NEBL: variants seen among roughly 807,000 people sequenced by gnomAD.
The protein encoded by NEBL is nebulette.
A neutral mutation model predicts 140.2 loss-of-function variants in NEBL; 122 were observed. The ratio of observed to expected loss-of-function variants is 0.87; its 90% confidence interval spans 0.75 to 1.01. NEBL has a LOEUF of 1.01. Ranked by LOEUF, NEBL falls within the 50% of genes least tolerant of loss-of-function variation. NEBL has a pLI of 0.00. For missense variants in NEBL, 1,365 were observed against 1,231.3 expected, an observed-to-expected ratio of 1.11 and a Z score of -1.62; for synonymous variants, 436 against 398.9, an observed-to-expected ratio of 1.09 and a Z score of -1.11.
chr10:21,127,423 T>A (rs1407299171), intron 2 of NEBL, among the ~76,000 whole-genome samples: 1 of 152,136 alleles, frequency 6.6e-6, no homozygotes, highest in Admixed American at 6.5e-5. Flanking sequence ...ATGAGGAACC[T>A]TATAAATGGT....
intron 4 of NEBL, among the ~76,000 whole-genome samples, chr10:20,952,374 T>C (rs1175216517): frequency 2.0e-5 from 3 of 148,396 alleles, no homozygotes; most frequent in Non-Finnish European, 4.4e-5. Flanking sequence ...GAGGCAGAGG[T>C]TGCCATGAGC....
chr10:20,965,652 G>C (rs1412975470), intron 3 of NEBL, among the ~76,000 whole-genome samples: 2 of 152,172 alleles, frequency 1.3e-5, no homozygotes, highest in Non-Finnish European at 2.9e-5. Flanking sequence ...TTTGTATGCG[G>C]AACAGCGGTA....
chr10:21,087,150 A>G (rs1031041079), intron 2 of NEBL, among the ~76,000 whole-genome samples: 1 of 152,098 alleles, frequency 6.6e-6, no homozygotes, highest in African/African-American at 2.4e-5. Context: ...ATCTCTGTGA[A>G]CTCCTGGAGA....
intron 2 of NEBL, among the ~76,000 whole-genome samples, chr10:21,123,958 T>G (rs1838701050): frequency 6.6e-6 from 1 of 151,898 alleles, no homozygotes; most frequent in Non-Finnish European, 1.5e-5. Context: ...CTGAGGCCAA[T>G]CCTCACCTGA....
chr10:21,012,867 A>G (rs1838400302), intron 3 of NEBL, among the ~76,000 whole-genome samples: 2 of 152,146 alleles, frequency 1.3e-5, no homozygotes, highest in African/African-American at 4.8e-5. Context: ...AGGGTGGGCC[A>G]GGAAGGAATC....
At chr10:21,147,644 G>T (rs1041399829) in intron 2 of NEBL, among the ~76,000 whole-genome samples, 1 of 152,154 alleles carries the variant, frequency 6.6e-6, no homozygotes, top group Non-Finnish European at 1.5e-5. Flanking sequence ...CACGGTTCAA[G>T]CCTACATCCC....
chr10:21,161,077 A>T (rs1004735356), intron 2 of NEBL, among the ~76,000 whole-genome samples: 2 of 152,202 alleles, frequency 1.3e-5, no homozygotes, highest in Non-Finnish European at 2.9e-5. Context: ...TACACAGAGG[A>T]AGTGTTTGCT....
In NEBL at chr10:21,147,398, T is replaced by TA. The variant is rs747859051; in HGVS notation, c.164+24984_164+24985insT. On this transcript the variant is annotated intron_variant, in intron 2 of 6. Transcript: ENST00000417816. The stretch of plus-strand genomic sequence containing the variant: ...TCTCTGACCCTGTTTCTCCTCCGGT[T>TA]TTTTTTTTTTTTTTTTTAGACAAAC... Among the ~76,000 whole-genome samples, 158 of 144,908 alleles carry TA rather than the reference T, an allele frequency of 1.1e-3. 2 individuals carry two copies. The highest frequency in any genetic ancestry group is 9.2e-3 in the Admixed American group (133 of 14,456).
chr10:21,069,014 G>A (rs1039190518), intron 2 of NEBL, among the ~76,000 whole-genome samples: 4 of 152,016 alleles, frequency 2.6e-5, no homozygotes, highest in East Asian at 1.9e-4. Context: ...TCACTCTCCC[G>A]AGTAGCTGGG....
intron 3 of NEBL, among the ~76,000 whole-genome samples, chr10:21,220,661 A>T (rs1365496743): frequency 6.6e-6 from 1 of 151,876 alleles, no homozygotes; most frequent in Admixed American, 6.6e-5. Context: ...ATTGCATCAA[A>T]CTAAAAAGGT....
chr10:21,256,274 G>C lies in NEBL; in HGVS notation n.183-4446C>G, dbSNP rs1308925482. On this transcript the variant is annotated intron_variant and non_coding_transcript_variant, in intron 1 of 8. Coordinates refer to the NEBL transcript ENST00000675702. ...GTAGAGATGGGGTGTCACCTTGTTG[G>C]CCAGGCTGGTCTCAAACTCCTGACC... 2.6e-5 allele frequency among the ~76,000 whole-genome samples: 4 copies of C among 152,002 alleles called. 1 individual carries two copies. The highest frequency in any genetic ancestry group is 4.2e-4 in the South Asian group (2 of 4,818).
intron 2 of NEBL, among the ~76,000 whole-genome samples, chr10:21,054,029 T>A (rs1380518313): frequency 6.0e-5 from 3 of 49,660 alleles, no homozygotes; most frequent in Non-Finnish European, 1.2e-4. Context: ...CAAGACTCCA[T>A]CTCAAAACAA....
chr10:20,864,595 T>A (rs1844076092), intron 7 of NEBL, among the ~76,000 whole-genome samples: 1 of 152,222 alleles, frequency 6.6e-6, no homozygotes, highest in African/African-American at 2.4e-5. Context: ...CATTGCCTTC[T>A]CTGTTACAAT....
intron 11 of NEBL, among the ~76,000 whole-genome samples, chr10:20,846,691 CTT>C (rs1195178676): frequency 2.6e-5 from 4 of 152,136 alleles, no homozygotes; most frequent in Non-Finnish European, 5.9e-5. Flanking sequence ...AAAAAGGACT[CTT>C]TAAATGGTGA....
intron 5 of NEBL, among the ~76,000 whole-genome samples, chr10:20,871,463 G>A (rs1421062748): frequency 1.3e-5 from 2 of 152,086 alleles, no homozygotes; most frequent in African/African-American, 4.8e-5. Flanking sequence ...ATAAGATCAA[G>A]TGTAAGAAGT....
intron 7 of NEBL, among the ~76,000 whole-genome samples, chr10:20,861,174 C>T (rs1249960419): frequency 6.6e-6 from 1 of 152,076 alleles, no homozygotes; most frequent in African/African-American, 2.4e-5. Context: ...TTCACTCTGC[C>T]TGGTCGTCCC....
At chr10:21,289,652 C>T (rs1448928354) in intron 1 of NEBL, among the ~76,000 whole-genome samples, 4 of 152,152 alleles carry the variant, frequency 2.6e-5, no homozygotes, top group Non-Finnish European at 5.9e-5. Flanking sequence ...GGAAGTAAGC[C>T]TGGTCTTACT....
intron 2 of NEBL, chr10:21,126,259 A>G: frequency 2.4e-6 from 2 of 817,704 alleles, no homozygotes; most frequent in African/African-American, 1.7e-5. Flanking sequence ...AAAATCAGGG[A>G]CTTCTTTTGT....
At chr10:20,962,773 C>A (rs1836109780) in intron 3 of NEBL, among the ~76,000 whole-genome samples, 2 of 152,134 alleles carry the variant, frequency 1.3e-5, no homozygotes, top group South Asian at 4.1e-4. Flanking sequence ...AGCTTCCAAT[C>A]AACACTTACA....
Sources: allele counts gnomAD v4.1 joint callset (sites outside exome capture counted in the v4.1 genomes callset), GRCh38; gene constraint gnomAD v4.1.1; transcripts MANE v1.5; gene names NCBI Gene and HGNC (gene_info 2026-07-23, HGNC 2026-07-21).